Variants in AGAP1 observed in about 807,000 individuals in gnomAD.
AGAP1 encodes the protein ArfGAP with GTPase domain, ankyrin repeat and PH domain 1.
Under a neutral mutation model 105.3 loss-of-function variants are expected in AGAP1, and 29 were observed. The observed-to-expected ratio is 0.28, with a 90% CI of 0.21 to 0.38. The LOEUF is 0.38. Ranked by LOEUF, AGAP1 falls within the 10% of genes least tolerant of loss-of-function variation. The pLI, the probability that AGAP1 is intolerant of heterozygous loss-of-function variation, is 1.00. For synonymous variants in AGAP1, 509 were observed against 485.9 expected, an observed-to-expected ratio of 1.05 and a Z score of -0.63; for missense variants, 998 against 1,165.1, an observed-to-expected ratio of 0.86 and a Z score of 2.09.
Position 235,566,644 on chromosome 2 carries a change from C to T in AGAP1, c.163+71795C>T, listed in dbSNP as rs1337795909. ...ATTTATGTTGTATGCCTGACACCTT[C>T]CTCATGCCGCAGGACCAGCCGGGAC... On this transcript the variant is annotated intron_variant, in intron 1 of 17. Transcript: ENST00000304032. The surrounding 1 kb of genome is among the most constrained non-coding windows in gnomAD (Gnocchi z 5.2). The T allele has an allele frequency of 1.0e-6, 1 of 974,690 alleles. No individual in the cohort carries two copies. The highest frequency in any genetic ancestry group is 1.8e-5 in the African/African-American group (1 of 56,956). The allele number at this position is 974,690 out of a possible 1,614,324, so 60.4% of individuals were successfully genotyped here.
chr2:235,759,421 G>T (rs568833944), intron 6 of AGAP1, among the ~76,000 whole-genome samples: 1,860 of 148,786 alleles, frequency 0.013, 40 homozygotes, highest in African/African-American at 0.044. Context: ...CGCCCGCCTT[G>T]GCCTCCCAAA....
chr2:235,778,294 T>C (rs890666299), intron 6 of AGAP1, among the ~76,000 whole-genome samples: 3 of 152,212 alleles, frequency 2.0e-5, no homozygotes, highest in African/African-American at 7.2e-5. Flanking sequence ...CCTTCTGCAC[T>C]TTCCACTTTG....
chr2:235,832,026 C>G (rs1959474874), intron 9 of AGAP1, among the ~76,000 whole-genome samples: 1 of 152,188 alleles, frequency 6.6e-6, no homozygotes, highest in South Asian at 2.1e-4. Context: ...GTGGTATCCC[C>G]TGGTCATTTT....
At position 235,830,151 on chromosome 2, in the gene AGAP1, C is replaced by T. The variant is rs896817065; in HGVS notation, c.1050+22820C>T. On this transcript the variant is annotated intron_variant, in intron 9 of 17. Coordinates refer to ENST00000304032, the MANE Select transcript of AGAP1 (RefSeq NM_001037131.3). This position sits in a 1 kb window ranked among gnomAD's most constrained non-coding sequence, Gnocchi z 5.5. The stretch of plus-strand genomic sequence containing the variant: ...GCAGTACTTGCCAAGGCAAGGCCAC[C>T]GTGATCCGAGACTGGGAGGCCCAGA... Among the ~76,000 whole-genome samples, 1 of 152,146 alleles carries T rather than the reference C, an allele frequency of 6.6e-6. No individual in the cohort carries two copies. The highest frequency in any genetic ancestry group is 2.4e-5 in the African/African-American group (1 of 41,426).
At position 235,623,201 on chromosome 2, in the gene AGAP1, A is replaced by G. The variant is rs904314674; in HGVS notation, c.164-85978A>G. Among the ~76,000 whole-genome samples the G allele has an allele frequency of 2.0e-5, 3 of 152,242 alleles. No homozygotes were observed. Among genetic ancestry groups the G allele is most frequent in the Non-Finnish European group, 4.4e-5 (3 of 68,046 alleles). ...AACTTTCAATACAGCTGCAGAAACA[A>G]TGCATCTGAACGGATGGACTGTTTT... is the stretch of plus-strand genomic sequence containing the variant. On this transcript the variant is annotated intron_variant, in intron 1 of 17. Coordinates refer to ENST00000304032, the MANE Select transcript of AGAP1 (RefSeq NM_001037131.3). The surrounding 1 kb of genome is among the most constrained non-coding windows in gnomAD (Gnocchi z 4.5).
At chr2:235,808,314 A>G (rs1408260443) in intron 9 of AGAP1, among the ~76,000 whole-genome samples, 2 of 152,148 alleles carry the variant, frequency 1.3e-5, no homozygotes, top group Non-Finnish European at 2.9e-5. Context: ...GCGGGCACCT[A>G]CACAGCATCG....
Position 236,005,205 on chromosome 2 carries a change from G to A in AGAP1, c.1646-31356G>A, listed in dbSNP as rs1229278315. The stretch of plus-strand genomic sequence containing the variant: ...TCTGTCACCCAGGCTGGAGTGCAAT[G>A]GTGCAATCTTGGCTCTTGCAACCTC... On this transcript the variant is annotated intron_variant, in intron 13 of 17. Coordinates refer to ENST00000304032, the MANE Select transcript of AGAP1 (RefSeq NM_001037131.3). The surrounding 1 kb of genome is among the most constrained non-coding windows in gnomAD (Gnocchi z 4.1). 6.6e-6 allele frequency among the ~76,000 whole-genome samples: 1 copy of A among 152,128 alleles called. No individual in the cohort carries two copies. Among genetic ancestry groups the A allele is most frequent in the Admixed American group, 6.5e-5 (1 of 15,270 alleles).
chr2:235,795,403 A>G (rs1957199373), intron 6 of AGAP1, among the ~76,000 whole-genome samples: 1 of 152,192 alleles, frequency 6.6e-6, no homozygotes, highest in African/African-American at 2.4e-5. Context: ...TGCATTTTCA[A>G]GATGGGGGAG....
rs2054140147 is a variant in AGAP1 at position 235,960,597 on chromosome 2, T to G, written c.1484-7865T>G. ...ATCGGCGTGCTTACTGGAGATGCGA[T>G]TCCCCTCTTCCTTCTTTGTTCAGGT... On this transcript the variant is annotated intron_variant, in intron 12 of 17. Transcript: ENST00000304032. This position sits in a 1 kb window ranked among gnomAD's most constrained non-coding sequence, Gnocchi z 4.9. Among the ~76,000 whole-genome samples the G allele has an allele frequency of 6.6e-6, 1 of 152,200 alleles. No homozygotes were observed.
At chr2:235,920,911 C>A (rs1676297015) in intron 11 of AGAP1, among the ~76,000 whole-genome samples, 1 of 152,122 alleles carries the variant, frequency 6.6e-6, no homozygotes, top group Non-Finnish European at 1.5e-5. Context: ...TTATATTAAC[C>A]ACATGGGGCA....
intron 9 of AGAP1, among the ~76,000 whole-genome samples, chr2:235,827,658 A>G (rs1372196682): frequency 6.6e-6 from 1 of 152,198 alleles, no homozygotes; most frequent in Non-Finnish European, 1.5e-5. Context: ...CATGAGTCAC[A>G]GGTGGCACGC....
intron 6 of AGAP1, among the ~76,000 whole-genome samples, chr2:235,755,147 G>T (rs1312730776): frequency 6.6e-6 from 1 of 152,174 alleles, no homozygotes; most frequent in African/African-American, 2.4e-5. Flanking sequence ...GGGGCTGCAG[G>T]TCCGTCTGCA....
Position 235,723,259 on chromosome 2 carries a change from T to TAGAA in AGAP1, c.310+5615_310+5616insAGAA. 6.6e-6 allele frequency among the ~76,000 whole-genome samples: 1 copy of TAGAA among 152,296 alleles called. No homozygotes were observed. The highest frequency in any genetic ancestry group is 1.5e-5 in the Non-Finnish European group (1 of 68,026). On this transcript the variant is annotated intron_variant, in intron 3 of 17. Coordinates refer to ENST00000304032, the MANE Select transcript of AGAP1 (RefSeq NM_001037131.3). The surrounding 1 kb of genome is among the most constrained non-coding windows in gnomAD (Gnocchi z 6.2). ...GCTGCTGATTAGAATCGTGTGACAT[T>TAGAA]TTGGGTGTGTAATGTGACTTCCCTC...
Position 235,517,937 on chromosome 2 carries a change from A to AC in AGAP1, c.163+23088_163+23089insC, listed in dbSNP as rs1411743466. 2.9e-5 allele frequency among the ~76,000 whole-genome samples: 3 copies of AC among 101,866 alleles called. No individual in the cohort carries two copies. The highest frequency in any genetic ancestry group is 5.6e-5 in the Non-Finnish European group (3 of 53,782). 66.8% of individuals were successfully genotyped at this position (101,866 alleles called of 152,430 possible). ...GACAGAGTGAGACTCCGTTTCAAAAAAAAAAAAAAAGAAAAAAAAAAGGTA... is the reference window on the plus strand; with the variant it reads ...GACAGAGTGAGACTCCGTTTCAAAAACAAAAAAAAAAGAAAAAAAAAAGGTA... On this transcript the variant is annotated intron_variant, in intron 1 of 17. Transcript: ENST00000304032. This position sits in a 1 kb window ranked among gnomAD's most constrained non-coding sequence, Gnocchi z 4.1.
chr2:235,916,481 G>A (rs6431411), intron 11 of AGAP1, among the ~76,000 whole-genome samples: 58,321 of 152,100 alleles, frequency 0.38, 11,603 homozygotes, highest in South Asian at 0.64. Flanking sequence ...AGTTGTATTA[G>A]CTTCCACAGT....
Position 235,734,526 on chromosome 2 carries a change from GAAAAA to G in AGAP1, c.311-6428_311-6424del, listed in dbSNP as rs373216833. ...TCATTTTCATCCTTAGCTCAGGCAT[GAAAAA>G]AAAAAAAAGAATAGTAAAAATTAAA... On this transcript the variant is annotated intron_variant, in intron 3 of 17. Transcript: ENST00000304032. The surrounding 1 kb of genome is among the most constrained non-coding windows in gnomAD (Gnocchi z 5.3). 7.8e-6 allele frequency among the ~76,000 whole-genome samples: 1 copy of G among 128,770 alleles called. No homozygotes were observed. The highest frequency in any genetic ancestry group is 2.8e-5 in the African/African-American group (1 of 35,820). The allele number at this position is 128,770 out of a possible 152,430, so 84.5% of individuals were successfully genotyped here. A position where few individuals can be genotyped will look rare whatever the true frequency, so the allele number is the denominator to read the frequency against.
intron 9 of AGAP1, 36 bp downstream of exon 9, chr2:235,807,367 G>T (rs185557882): frequency 6.5e-7 from 1 of 1,548,636 alleles, no homozygotes; most frequent in Non-Finnish European, 8.7e-7. Context: ...CCCTGTCGCC[G>T]GAGATACACC....
In AGAP1 at chr2:235,930,123, A is replaced by G. The variant is rs535090406; in HGVS notation, c.1325-642A>G. On this transcript the variant is annotated intron_variant, in intron 11 of 17. Coordinates refer to ENST00000304032, the MANE Select transcript of AGAP1 (RefSeq NM_001037131.3). The surrounding 1 kb of genome is among the most constrained non-coding windows in gnomAD (Gnocchi z 7.9). ...GTTGAGCAACTGATTCAAATCATTA[A>G]GTATACAATGGAATCATTTTTCATC... Among the ~76,000 whole-genome samples, 1 of 152,334 alleles carries G rather than the reference A, an allele frequency of 6.6e-6. No individual in the cohort carries two copies. The highest frequency in any genetic ancestry group is 2.1e-4 in the South Asian group (1 of 4,820).
rs1398240782 is a variant in AGAP1, at chr2:236,124,150, C to T, written c.*28C>T. On this transcript the variant is annotated 3_prime_UTR_variant, in exon 18 of 18. Transcript: ENST00000304032. The surrounding 1 kb of genome is among the most constrained non-coding windows in gnomAD (Gnocchi z 5.1). ...AACAGCCGTGCCCGCCTGCTCGCCGCACCTGGGACGCGGCAGCCTCGCCGC... is the reference window on the plus strand; with the variant it reads ...AACAGCCGTGCCCGCCTGCTCGCCGTACCTGGGACGCGGCAGCCTCGCCGC... 4 of 1,607,568 alleles carry T rather than the reference C, an allele frequency of 2.5e-6. No homozygotes were observed. The highest frequency in any genetic ancestry group is 3.4e-6 in the Non-Finnish European group (4 of 1,175,060).
Sources: gnomAD v4.1 joint callset for allele counts (sites outside exome capture counted in the v4.1 genomes callset) on GRCh38, gnomAD v4.1.1 for gene constraint, Gnocchi (gnomAD v3.1) non-coding constraint, MANE v1.5 for transcripts, NCBI Gene and HGNC (gene_info 2026-07-23, HGNC 2026-07-21) for gene names.